Variants in WWOX observed in about 807,000 individuals in gnomAD.
The protein encoded by WWOX is WW domain containing oxidoreductase.
A neutral mutation model predicts 46.2 loss-of-function variants in WWOX; 69 were observed. The observed-to-expected ratio is 1.49, with a 90% CI of 1.23 to 1.82. The LOEUF (loss-of-function observed/expected upper bound fraction) is 1.82. WWOX is among the 40% of genes most tolerant of loss of function. The pLI is 0.00. For synonymous variants in WWOX, 359 were observed against 202.6 expected (o/e 1.77, Z -6.56); for missense variants, 919 against 542.6 (o/e 1.69, Z -6.89).
chr16:78,176,568 TTTG>T (rs1268092526), intron 5 of WWOX, among the ~76,000 whole-genome samples: 11 of 152,188 alleles, frequency 7.2e-5, no homozygotes, highest in African/African-American at 2.4e-4. Flanking sequence ...TTGTAATGGC[TTTG>T]TTGTTGTTTA....
At chr16:78,418,775 G>A (rs898692926) in intron 6 of WWOX, among the ~76,000 whole-genome samples, 1 of 151,920 alleles carries the variant, frequency 6.6e-6, no homozygotes, top group Non-Finnish European at 1.5e-5. Context: ...AGTAAACTTG[G>A]AACAAAGTGG....
chr16:79,058,537 T>A (rs2347085), intron 8 of WWOX, among the ~76,000 whole-genome samples: 76,184 of 151,534 alleles, frequency 0.5, 19,472 homozygotes, highest in Non-Finnish European at 0.55. Context: ...GGCAAGTATA[T>A]TAGTCATGAT....
At chr16:78,602,379 C>T (rs756120460) in intron 8 of WWOX, among the ~76,000 whole-genome samples, 13 of 152,092 alleles carry the variant, frequency 8.5e-5, no homozygotes, top group South Asian at 2.1e-4. Flanking sequence ...ACTAAAGGCA[C>T]GTGCCACCAC....
At chr16:78,407,944 G>A (rs1311869374) in intron 6 of WWOX, among the ~76,000 whole-genome samples, 1 of 152,144 alleles carries the variant, frequency 6.6e-6, no homozygotes, top group Non-Finnish European at 1.5e-5. Context: ...AGTAATGTAG[G>A]AATGGACATA....
At chr16:78,976,346 T>G (rs2046572248) in intron 8 of WWOX, among the ~76,000 whole-genome samples, 1 of 152,326 alleles carries the variant, frequency 6.6e-6, no homozygotes, top group South Asian at 2.1e-4. Context: ...CTTTTGCTCA[T>G]GGTACCTCAG....
At chr16:78,224,166 G>C (rs2036978169) in intron 5 of WWOX, among the ~76,000 whole-genome samples, 1 of 152,022 alleles carries the variant, frequency 6.6e-6, no homozygotes, top group Non-Finnish European at 1.5e-5. Context: ...ACCAAGCCCA[G>C]CTAATTTTTT....
At chr16:79,043,932 G>A (rs1272829257) in intron 8 of WWOX, among the ~76,000 whole-genome samples, 1 of 152,188 alleles carries the variant, frequency 6.6e-6, no homozygotes, top group Non-Finnish European at 1.5e-5. Context: ...ACTCTGCTCG[G>A]ACCTTTCTGG....
At chr16:78,246,549 G>A (rs1457396793) in intron 5 of WWOX, among the ~76,000 whole-genome samples, 5 of 152,192 alleles carry the variant, frequency 3.3e-5, no homozygotes, top group Non-Finnish European at 5.9e-5. Flanking sequence ...ATCAATCACT[G>A]CTGTTCATGT....
chr16:78,717,323 A>T (rs140754003), intron 8 of WWOX, among the ~76,000 whole-genome samples: 1,937 of 152,366 alleles, frequency 0.013, 20 homozygotes, highest in South Asian at 0.034. Flanking sequence ...AATTACAATA[A>T]GTGCAGAACT....
At chr16:78,713,858 C>T (rs193076801) in intron 8 of WWOX, among the ~76,000 whole-genome samples, 62 of 152,278 alleles carry the variant, frequency 4.1e-4, no homozygotes, top group African/African-American at 1.2e-3. Flanking sequence ...CAGATACCTC[C>T]GCCAGGGTCC....
chr16:78,908,091 C>G lies in WWOX; in HGVS notation c.1057-303517C>G, dbSNP rs529548465. On this transcript the variant is annotated intron_variant, in intron 8 of 8. Coordinates refer to ENST00000566780, the MANE Select transcript of WWOX (RefSeq NM_016373.4). Reference sequence around the variant, plus strand: ...TCCCAAATTGCAGGATAACAAGGCTCTGTAATCTTCATTTCCTCAAAGTTT... The same window carrying G: ...TCCCAAATTGCAGGATAACAAGGCTGTGTAATCTTCATTTCCTCAAAGTTT... Among the ~76,000 whole-genome samples, 10 of 152,296 alleles carry G rather than the reference C, an allele frequency of 6.6e-5. No homozygotes were observed. In the East Asian group the frequency reaches 1.5e-3, roughly 24 times the overall value.
At chr16:78,756,966 A>T (rs1230528906) in intron 8 of WWOX, 2 of 703,004 alleles carry the variant, frequency 2.8e-6, no homozygotes, top group Non-Finnish European at 2.6e-6. Context: ...TGTTGGGAGG[A>T]TACTCAAGCA....
intron 8 of WWOX, among the ~76,000 whole-genome samples, chr16:78,742,867 G>C (rs533815733): frequency 1.1e-4 from 16 of 152,266 alleles, no homozygotes; most frequent in Non-Finnish European, 2.2e-4. Flanking sequence ...AGAGCCGGGG[G>C]CTTCCCAGTG....
chr16:78,311,624 C>G (rs1008910833), intron 5 of WWOX, among the ~76,000 whole-genome samples: 3 of 152,138 alleles, frequency 2.0e-5, no homozygotes, highest in Non-Finnish European at 2.9e-5. Flanking sequence ...CCTAAAGAAT[C>G]CAGACTCAAC....
chr16:79,146,418 T>G (rs1188264852), intron 8 of WWOX, among the ~76,000 whole-genome samples: 3 of 152,162 alleles, frequency 2.0e-5, no homozygotes, highest in Non-Finnish European at 4.4e-5. Context: ...CATCCTGTGT[T>G]GCTGCATCCG....
At chr16:78,369,142 G>T (rs994847522) in intron 5 of WWOX, among the ~76,000 whole-genome samples, 1 of 151,732 alleles carries the variant, frequency 6.6e-6, no homozygotes, top group South Asian at 2.1e-4. Flanking sequence ...ACTCATTAAT[G>T]TGGAAAATTA....
chr16:79,053,680 GA>G (rs1480210323), intron 8 of WWOX, among the ~76,000 whole-genome samples: 2 of 152,136 alleles, frequency 1.3e-5, no homozygotes. Flanking sequence ...TTAGGTTGGG[GA>G]ACGCTTTTAG....
chr16:79,212,030 G>C lies in WWOX; in HGVS notation c.*234G>C, dbSNP rs768767190. ...TAGGCATAGGTCTCTTTGCTTTCTG[G>C]TGGTGGCCTGTTTGAAAGTAAAAAC... On this transcript the variant is annotated 3_prime_UTR_variant, in exon 9 of 9. Transcript: ENST00000566780. 4 of 1,536,222 alleles carry C rather than the reference G, an allele frequency of 2.6e-6. No homozygotes were observed. The highest frequency in any genetic ancestry group is 2.4e-5 in the South Asian group (2 of 84,058).
At position 78,909,053 on chromosome 16, in the gene WWOX, A is replaced by T. The variant is rs138109569; in HGVS notation, c.1057-302555A>T. On this transcript the variant is annotated intron_variant, in intron 8 of 8. Coordinates refer to ENST00000566780, the MANE Select transcript of WWOX (RefSeq NM_016373.4). Reference sequence around the variant, plus strand: ...GTTATCATCTTTTGTTTCAAAGTTAAACCGTAAACTAAGTTCCTCTCAAAG... The same window carrying T: ...GTTATCATCTTTTGTTTCAAAGTTATACCGTAAACTAAGTTCCTCTCAAAG... Among the ~76,000 whole-genome samples, 1,334 of 152,330 alleles carry T rather than the reference A, an allele frequency of 8.8e-3. 8 individuals are homozygous for T. The highest frequency in any genetic ancestry group is 0.012 in the Non-Finnish European group (848 of 68,028).
Sources: allele counts gnomAD v4.1 joint callset (sites outside exome capture counted in the v4.1 genomes callset), GRCh38; gene constraint gnomAD v4.1.1; transcripts MANE v1.5; gene names NCBI Gene and HGNC (gene_info 2026-07-23, HGNC 2026-07-21).